The following CDH4 variants were observed in gnomAD, a reference collection of about 807,000 sequenced individuals.
The protein encoded by CDH4 is cadherin-4.
A neutral mutation model predicts 86.0 loss-of-function variants in CDH4; 33 were observed. The observed-to-expected ratio is 0.38, with a 90% CI of 0.29 to 0.51. CDH4 has a LOEUF of 0.51. CDH4 is among the 20% of genes least tolerant of loss of function. CDH4 has a pLI of 0.86. For missense variants in CDH4, 1,114 were observed against 1,307.4 expected, an observed-to-expected ratio of 0.85 and a Z score of 2.28; for synonymous variants, 555 against 549.4, an observed-to-expected ratio of 1.01 and a Z score of -0.14.
chr20:61,635,425 G>A (rs2086936589), intron 2 of CDH4, among the ~76,000 whole-genome samples: 1 of 152,216 alleles, frequency 6.6e-6, no homozygotes, highest in Admixed American at 6.5e-5. Flanking sequence ...TGCGGGTGAT[G>A]TGCCCTCACC....
chr20:61,495,261 T>C (rs1488821734), intron 2 of CDH4, among the ~76,000 whole-genome samples: 1 of 152,144 alleles, frequency 6.6e-6, no homozygotes, highest in East Asian at 1.9e-4. Context: ...GAGAAACATG[T>C]CCCAGGCCCT....
At chr20:61,454,370 G>T (rs918624048) in intron 2 of CDH4, among the ~76,000 whole-genome samples, 4 of 152,280 alleles carry the variant, frequency 2.6e-5, no homozygotes, top group African/African-American at 7.2e-5. Flanking sequence ...GGGGCACCCG[G>T]GTCAAACACG....
intron 4 of CDH4, among the ~76,000 whole-genome samples, chr20:61,788,243 A>T (rs913399353): frequency 2.6e-5 from 4 of 152,042 alleles, no homozygotes; most frequent in Admixed American, 2.0e-4. Context: ...GATTCTACTC[A>T]TGAGCATGGG....
At chr20:61,424,199 A>G (rs988298921) in intron 2 of CDH4, among the ~76,000 whole-genome samples, 1 of 151,450 alleles carries the variant, frequency 6.6e-6, no homozygotes, top group African/African-American at 2.4e-5. Flanking sequence ...ATGTATCCAC[A>G]CGCATCCACA....
intron 2 of CDH4, among the ~76,000 whole-genome samples, chr20:61,335,950 T>C (rs2084614683): frequency 6.6e-6 from 1 of 152,194 alleles, no homozygotes; most frequent in South Asian, 2.1e-4. Flanking sequence ...ATGTGGTTTT[T>C]TAATGATGAA....
chr20:61,596,879 C>T (rs1314847175), intron 2 of CDH4, among the ~76,000 whole-genome samples: 1 of 152,152 alleles, frequency 6.6e-6, no homozygotes, highest in East Asian at 1.9e-4. Context: ...ACCCGCCCAC[C>T]TTTACATAAT....
intron 2 of CDH4, among the ~76,000 whole-genome samples, chr20:61,260,442 T>C (rs556504836): frequency 1.5e-3 from 231 of 152,340 alleles, no homozygotes; most frequent in Admixed American, 2.4e-3. Flanking sequence ...GATCTCATAG[T>C]GATGCTTCTC....
intron 2 of CDH4, among the ~76,000 whole-genome samples, chr20:61,545,256 T>A (rs534162712): frequency 2.6e-5 from 4 of 152,364 alleles, no homozygotes; most frequent in Admixed American, 1.3e-4. Context: ...AAAAATTACC[T>A]TTAAAATGCT....
In CDH4 at chr20:61,853,047, C is replaced by T. The variant is rs1160510582; in HGVS notation, c.877+149C>T. 7.4e-6 allele frequency: 6 copies of T among 810,178 alleles called. No homozygotes were observed. The East Asian group carries it at 8.0e-5, about 11-fold the overall frequency. The allele number at this position is 810,178 out of a possible 1,614,324, so 50.2% of individuals were successfully genotyped here. A position where few individuals can be genotyped will look rare whatever the true frequency, so the allele number is the denominator to read the frequency against. ...AGACACACAGCATGCAGCAGACGTC[C>T]ACCAAAGCCCCTGCTCTCACAGGCC... On this transcript the variant is annotated intron_variant, in intron 6 of 15. Transcript: ENST00000614565.
chr20:61,531,216 A>G (rs959854307), intron 2 of CDH4, among the ~76,000 whole-genome samples: 28 of 152,144 alleles, frequency 1.8e-4, no homozygotes, highest in Non-Finnish European at 3.8e-4. Context: ...TCATGCCTGT[A>G]ATTTCAGTAC....
rs2086436768 is a variant in CDH4 at position 61,582,463 on chromosome 20, G to A, written c.170-161100G>A. Among the ~76,000 whole-genome samples the A allele has an allele frequency of 6.6e-6, 1 of 152,196 alleles. No individual in the cohort carries two copies. Among genetic ancestry groups the A allele is most frequent in the Admixed American group, 6.5e-5 (1 of 15,284 alleles). On this transcript the variant is annotated intron_variant, in intron 2 of 15. Coordinates refer to ENST00000614565, the MANE Select transcript of CDH4 (RefSeq NM_001794.5). The surrounding 1 kb of genome is among the most constrained non-coding windows in gnomAD (Gnocchi z 4.2). Reference sequence around the variant, plus strand: ...CCCATGTGCCTGTCCCTGTGGCCCTGGGCTCCAGGCTAACTCTCTGGAATG... The same window carrying A: ...CCCATGTGCCTGTCCCTGTGGCCCTAGGCTCCAGGCTAACTCTCTGGAATG...
rs578132968 is a variant in CDH4, at chr20:61,711,586, A to G, written c.170-31977A>G. 3.2e-3 allele frequency among the ~76,000 whole-genome samples: 483 copies of G among 152,290 alleles called. 1 individual carries two copies. Among genetic ancestry groups the G allele is most frequent in the African/African-American group, 0.01 (426 of 41,548 alleles). ...TCATAAGGACGCTGTGAGGACACAG[A>G]GCCCACCCAGATCATCTGGGATAAT... On this transcript the variant is annotated intron_variant, in intron 2 of 15. Transcript: ENST00000614565.
chr20:61,261,387 C>G (rs2084126963), intron 2 of CDH4, among the ~76,000 whole-genome samples: 1 of 152,146 alleles, frequency 6.6e-6, no homozygotes, highest in East Asian at 1.9e-4. Flanking sequence ...TCAGGTTTTG[C>G]GTTTGAGAAA....
intron 2 of CDH4, among the ~76,000 whole-genome samples, chr20:61,632,133 C>T (rs990043333): frequency 5.6e-4 from 86 of 152,350 alleles, no homozygotes; most frequent in African/African-American, 2.0e-3. Flanking sequence ...TCTGAGTTTG[C>T]TTGCTTGAGT....
At chr20:61,412,150 A>T (rs922587350) in intron 2 of CDH4, among the ~76,000 whole-genome samples, 2 of 152,236 alleles carry the variant, frequency 1.3e-5, no homozygotes, top group Admixed American at 1.3e-4. Context: ...TACCCAGATC[A>T]TGGTGGGTAG....
chr20:61,678,697 G>A (rs1005973316), intron 2 of CDH4, among the ~76,000 whole-genome samples: 3 of 152,224 alleles, frequency 2.0e-5, no homozygotes, highest in Admixed American at 6.5e-5. Context: ...AGGCTCCTCT[G>A]GGAGTCCGCA....
At chr20:61,437,009 A>T (rs1568844348) in intron 2 of CDH4, 1 of 152,324 alleles carries the variant, frequency 6.6e-6, no homozygotes, top group Non-Finnish European at 1.5e-5. Flanking sequence ...CCTAGCACCC[A>T]GCGCAGGGCC....
intron 2 of CDH4, among the ~76,000 whole-genome samples, chr20:61,296,313 GTGCA>G (rs1425353278): frequency 4.0e-5 from 6 of 150,258 alleles, no homozygotes; most frequent in African/African-American, 7.4e-5. Flanking sequence ...GTGCGTGTGT[GTGCA>G]TGCGTGCGTG....
rs1324234122 is a variant in CDH4, at chr20:61,462,037, G to A, written c.169+207100G>A. 2.0e-5 allele frequency among the ~76,000 whole-genome samples: 3 copies of A among 152,216 alleles called. No individual in the cohort carries two copies. In the East Asian group the frequency reaches 5.8e-4, roughly 29 times the overall value. On this transcript the variant is annotated intron_variant, in intron 2 of 15. Transcript: ENST00000614565. The stretch of plus-strand genomic sequence containing the variant: ...GTGCACTTAAAATTACTACACGGCA[G>A]TAAGGCTTCTTGACAAGAAAGTTGT...
Sources: gnomAD v4.1 joint callset for allele counts (sites outside exome capture counted in the v4.1 genomes callset) on GRCh38, gnomAD v4.1.1 for gene constraint, Gnocchi (gnomAD v3.1) non-coding constraint, MANE v1.5 for transcripts, NCBI Gene and HGNC (gene_info 2026-07-23, HGNC 2026-07-21) for gene names.